MEIOB: variants seen among roughly 807,000 people sequenced by gnomAD.
The protein encoded by MEIOB is meiosis-specific with OB domain-containing protein.
In MEIOB, 50 loss-of-function variants were observed where a neutral mutation model predicts 53.1. The ratio of observed to expected loss-of-function variants is 0.94; its 90% CI spans 0.75 to 1.19. MEIOB has a LOEUF of 1.19. MEIOB is among the 50% of genes most tolerant of loss of function. The pLI is 0.00. For missense variants in MEIOB, 551 were observed against 550.8 expected, an observed-to-expected ratio of 1.00 and a Z score of 0.00; for synonymous variants, 192 against 182.5, an observed-to-expected ratio of 1.05 and a Z score of -0.42.
intron 2 of MEIOB, among the ~76,000 whole-genome samples, chr16:1,867,469 T>A (rs961790744): frequency 1.5e-4 from 2 of 13,736 alleles, no homozygotes; most frequent in East Asian, 1.0e-3. Context: ...TTAATTTTTT[T>A]TTTTTTTTTT....
intron 13 of MEIOB, 36 bp from the exon 14 acceptor site, chr16:1,834,402 A>C (rs1898683991): frequency 8.8e-7 from 1 of 1,140,740 alleles, no homozygotes; most frequent in Non-Finnish European, 1.3e-6. Context: ...CAAAAGGTTA[A>C]TTTTTAAAAT....
chr16:1,849,684 A>T (rs1899113877), intron 9 of MEIOB, among the ~76,000 whole-genome samples: 1 of 152,152 alleles, frequency 6.6e-6, no homozygotes, highest in Non-Finnish European at 1.5e-5. Context: ...AGTAAAGCTG[A>T]TATAAACAAG....
chr16:1,865,942 A>C, intron 2 of MEIOB, 107 bp from the exon 3 acceptor site: 1 of 687,048 alleles, frequency 1.5e-6, no homozygotes, highest in Non-Finnish European at 2.4e-6. Flanking sequence ...AACATTTCTG[A>C]CTAGGAACCA....
intron 3 of MEIOB, among the ~76,000 whole-genome samples, chr16:1,864,079 A>T (rs998906660): frequency 6.6e-6 from 1 of 152,208 alleles, no homozygotes; most frequent in South Asian, 2.1e-4. Context: ...ACTTGAGCCC[A>T]GGGTTGAGGC....
intron 1 of MEIOB, among the ~76,000 whole-genome samples, chr16:1,871,770 C>A: frequency 9.2e-6 from 1 of 109,166 alleles, no homozygotes; most frequent in African/African-American, 3.6e-5. Context: ...CCAGCTTGGC[C>A]AACATGGTGA....
At chr16:1,870,645 T>A (rs1409182621) in intron 1 of MEIOB, among the ~76,000 whole-genome samples, 1 of 152,182 alleles carries the variant, frequency 6.6e-6, no homozygotes, top group Non-Finnish European at 1.5e-5. Context: ...AGGCTCACAG[T>A]CAATGATGGC....
intron 6 of MEIOB, among the ~76,000 whole-genome samples, chr16:1,856,229 C>T (rs1899299360): frequency 6.6e-6 from 1 of 151,340 alleles, no homozygotes; most frequent in African/African-American, 2.4e-5. Context: ...GATCTCGGCT[C>T]ACTGCAACCT....
At position 1,854,118 on chromosome 16, in the gene MEIOB, G is replaced by A. The variant is rs766140318; in HGVS notation, c.611C>T (p.Ser204Leu). 6.5e-6 allele frequency: 10 copies of A among 1,549,542 alleles called. No individual in the cohort carries two copies. Among genetic ancestry groups the A allele is most frequent in the South Asian group, 1.2e-5 (1 of 83,934 alleles). The stretch of plus-strand genomic sequence containing the variant: ...TGTTTACCATGTCATCGCAAAAGAC[G>A]ACTCTGTTTCATCATAGAGTCTAAC... Reference protein sequence around the residue: ...CEVRLYDETESSFAMTCWDNE... With the variant: ...CEVRLYDETELSFAMTCWDNE... Residue 204 changes from serine (S) to leucine (L), a missense_variant, in exon 7 of 14, where the codon TCG (serine) becomes TTG (leucine). Transcript: ENST00000325962.
chr16:1,849,828 T>C (rs1272953966), intron 9 of MEIOB, among the ~76,000 whole-genome samples: 4 of 152,152 alleles, frequency 2.6e-5, no homozygotes, highest in South Asian at 2.1e-4. Context: ...TCTTGAAAAG[T>C]ACTGAGAACA....
chr16:1,851,900 T>C (rs1596974292), intron 9 of MEIOB, among the ~76,000 whole-genome samples: 1 of 152,310 alleles, frequency 6.6e-6, no homozygotes, highest in African/African-American at 2.4e-5. Flanking sequence ...TTAGCAGTAC[T>C]GGCTTGACGG....
intron 9 of MEIOB, among the ~76,000 whole-genome samples, chr16:1,850,345 G>A (rs941534452): frequency 1.4e-4 from 22 of 152,104 alleles, no homozygotes; most frequent in African/African-American, 5.1e-4. Flanking sequence ...TTGGGAGGCC[G>A]AGGCGGGCGG....
intron 3 of MEIOB, 100 bp downstream of exon 3, chr16:1,865,673 AAGGAG>A (rs1262245903): frequency 1.3e-6 from 1 of 773,382 alleles, no homozygotes; most frequent in Non-Finnish European, 2.1e-6. Context: ...CATTGCTCTT[AAGGAG>A]TTAAACAGGC....
chr16:1,865,699 TA>T, intron 3 of MEIOB, 78 bp downstream of exon 3: 2 of 1,038,446 alleles, frequency 1.9e-6, no homozygotes, highest in Non-Finnish European at 2.8e-6. Flanking sequence ...ATAGAAAAAT[TA>T]ATCACTTCAA....
Position 1,861,495 on chromosome 16 carries a change from G to C in MEIOB, c.259+490C>G, listed in dbSNP as rs187664559. On this transcript the variant is annotated intron_variant, in intron 4 of 13. Coordinates refer to ENST00000325962, the MANE Select transcript of MEIOB (RefSeq NM_001163560.3). ...TAGTAAAAATATAACTATCACATTT[G>C]TATGCTTCAAATAACATTCTGAATG... 9.9e-5 allele frequency among the ~76,000 whole-genome samples: 14 copies of C among 142,078 alleles called. No individual in the cohort carries two copies. The East Asian group carries it at 3.0e-3, about 30-fold the overall frequency. 93.2% of individuals were successfully genotyped at this position (142,078 alleles called of 152,430 possible). A position where few individuals can be genotyped will look rare whatever the true frequency, so the allele number is the denominator to read the frequency against.
At chr16:1,871,742 G>A (rs1199442580) in intron 1 of MEIOB, among the ~76,000 whole-genome samples, 4 of 146,078 alleles carry the variant, frequency 2.7e-5, no homozygotes, top group Admixed American at 7.0e-5. Flanking sequence ...GGCAGATCGC[G>A]AGGTCAGGAA....
chr16:1,870,676 AAT>A (rs1257549351), intron 1 of MEIOB, among the ~76,000 whole-genome samples: 2 of 152,186 alleles, frequency 1.3e-5, no homozygotes, highest in African/African-American at 4.8e-5. Context: ...AATATTATCC[AAT>A]GTACCAGTTT....
At chr16:1,849,148 C>T (rs1025077856) in intron 9 of MEIOB, among the ~76,000 whole-genome samples, 2 of 151,864 alleles carry the variant, frequency 1.3e-5, no homozygotes, top group Non-Finnish European at 2.9e-5. Flanking sequence ...AGGCTGGGCA[C>T]AGTGGCTCAC....
rs2150828388 is a variant in MEIOB at position 1,872,067 on chromosome 16, A to C, written c.-84T>G. 6.7e-6 allele frequency: 1 copy of C among 149,978 alleles called. No individual in the cohort carries two copies. Among genetic ancestry groups the C allele is most frequent in the Middle Eastern group, 3.4e-3 (1 of 292 alleles). The allele number at this position is 149,978 out of a possible 1,614,324, so 9.3% of individuals were successfully genotyped here. ...CGGCCTCGCGGACCTGGCCCGCCCG[A>C]CCCCCGGGTCGCCCGCGCTTCGCGG... On this transcript the variant is annotated 5_prime_UTR_variant, in exon 1 of 14. Coordinates refer to ENST00000325962, the MANE Select transcript of MEIOB (RefSeq NM_001163560.3).
chr16:1,843,697 C>CA (rs761686980), intron 10 of MEIOB: 12,806 of 90,538 alleles, frequency 0.14, 658 homozygotes, highest in South Asian at 0.28. Flanking sequence ...GACTCCATCT[C>CA]AAAAAAAAAA....
Sources: allele counts gnomAD v4.1 joint callset (sites outside exome capture counted in the v4.1 genomes callset), GRCh38; gene constraint gnomAD v4.1.1; transcripts MANE v1.5; gene names NCBI Gene and HGNC (gene_info 2026-07-23, HGNC 2026-07-21).